ADAM10: variants seen among roughly 807,000 people sequenced by gnomAD.
The protein encoded by ADAM10 is disintegrin and metalloproteinase domain-containing protein 10.
Under a neutral mutation model 90.1 loss-of-function variants are expected in ADAM10, and 17 were observed. The ratio of observed to expected loss-of-function variants is 0.19; its 90% confidence interval spans 0.13 to 0.28. ADAM10 has a LOEUF of 0.28. ADAM10 is among the 10% of genes least tolerant of loss of function. The probability of loss-of-function intolerance (pLI) is 1.00; values close to 1 mark genes in which losing one functional copy is unlikely to be tolerated. For missense variants in ADAM10, 610 were observed against 914.3 expected (o/e 0.67, Z 4.29); for synonymous variants, 310 against 298.6 (o/e 1.04, Z -0.40).
intron 10 of ADAM10, among the ~76,000 whole-genome samples, chr15:58,627,379 T>A (rs1171359004): frequency 6.6e-6 from 1 of 152,274 alleles, no homozygotes; most frequent in East Asian, 1.9e-4. Flanking sequence ...ACTCATCAAA[T>A]GATGCACTTA....
chr15:58,614,716 A>G (rs1566967875), intron 11 of ADAM10, among the ~76,000 whole-genome samples: 1 of 152,208 alleles, frequency 6.6e-6, no homozygotes, highest in Non-Finnish European at 1.5e-5. Context: ...TCACCACTAG[A>G]CTGACCCTAC....
intron 2 of ADAM10, among the ~76,000 whole-genome samples, chr15:58,688,118 T>C (rs1392278264): frequency 1.3e-5 from 2 of 152,204 alleles, no homozygotes; most frequent in African/African-American, 2.4e-5. Flanking sequence ...GTTTTGATGT[T>C]GTAATATAGT....
rs1566986227 is a variant in ADAM10, at chr15:58,665,098, T to C, written c.584A>G (p.Gln195Arg). 6.2e-7 allele frequency: 1 copy of C among 1,602,306 alleles called. No homozygotes were observed. The highest frequency in any genetic ancestry group is 1.7e-5 in the Admixed American group (1 of 59,996). The change falls in exon 5 of 16, where the codon CAG becomes CGG. Residue 195 changes from glutamine (Q) to arginine (R), a missense_variant and splice_region_variant. By Grantham distance (43) the Gln-to-Arg change is conservative (BLOSUM62 1). Around this residue, in one of 4 missense-constraint regions of ADAM10, gnomAD observed 310 missense variants for 362.4 expected, o/e 0.86. Transcript: ENST00000260408. ...YQMTGVEEVT[Q>R]IPQEEHAANG... Reference sequence around the variant, plus strand: ...GCAAGCTAGTGTTAAAATCCTTACCTGTGTTACTTCCTCTACACCAGTCAT... The same window carrying C: ...GCAAGCTAGTGTTAAAATCCTTACCCGTGTTACTTCCTCTACACCAGTCAT...
chr15:58,618,631 T>C (rs1267433274), intron 11 of ADAM10, among the ~76,000 whole-genome samples: 5 of 152,132 alleles, frequency 3.3e-5, no homozygotes, highest in African/African-American at 7.2e-5. Flanking sequence ...TAGGGACTGA[T>C]AGAATGTACA....
chr15:58,621,406 ATT>A (rs1243672999), intron 11 of ADAM10, 63 bp downstream of exon 11: 2 of 1,593,172 alleles, frequency 1.3e-6, no homozygotes, highest in Non-Finnish European at 1.7e-6. Flanking sequence ...TCAGTTTTAA[ATT>A]TGTCATAACT....
intron 14 of ADAM10, among the ~76,000 whole-genome samples, chr15:58,601,971 T>G (rs1230868732): frequency 1.3e-5 from 2 of 152,204 alleles, no homozygotes; most frequent in African/African-American, 4.8e-5. Context: ...TTACTGCTGA[T>G]GTTAACTTGA....
At chr15:58,742,544 T>C (rs1488011231) in intron 1 of ADAM10, among the ~76,000 whole-genome samples, 2 of 152,208 alleles carry the variant, frequency 1.3e-5, no homozygotes, top group South Asian at 2.1e-4. Context: ...GGAGACTACA[T>C]TCCCTGAGAA....
At chr15:58,615,736 C>G (rs1296425968) in intron 11 of ADAM10, among the ~76,000 whole-genome samples, 1 of 152,074 alleles carries the variant, frequency 6.6e-6, no homozygotes, top group African/African-American at 2.4e-5. Context: ...GGGCCAGGCA[C>G]AGTGGCTCAT....
rs1179626414 is a variant in ADAM10, at chr15:58,596,838, G to C, written c.*709C>G. ...GTGCCCGTAGCAGCCATGTGATAAA[G>C]AAAAAATGAGTATCAAAACCAACTC... is the stretch of plus-strand genomic sequence containing the variant. On this transcript the variant is annotated 3_prime_UTR_variant, in exon 16 of 16. Coordinates refer to ENST00000260408, the MANE Select transcript of ADAM10 (RefSeq NM_001110.4). 4 of 155,328 alleles carry C rather than the reference G, an allele frequency of 2.6e-5. No homozygotes were observed. Among genetic ancestry groups the C allele is most frequent in the African/African-American group, 9.7e-5 (4 of 41,406 alleles). 9.6% of individuals were successfully genotyped at this position (155,328 alleles called of 1,614,324 possible).
chr15:58,625,208 G>A (rs1411081578), intron 10 of ADAM10, among the ~76,000 whole-genome samples: 2 of 152,100 alleles, frequency 1.3e-5, no homozygotes, highest in African/African-American at 4.8e-5. Context: ...ACTGTGAAAA[G>A]GGCGAAAAGA....
intron 11 of ADAM10, among the ~76,000 whole-genome samples, chr15:58,617,095 T>C (rs1474490454): frequency 1.3e-5 from 2 of 151,576 alleles, no homozygotes; most frequent in African/African-American, 4.8e-5. Context: ...GGGAAAAAAG[T>C]GAGACTCCGT....
intron 1 of ADAM10, among the ~76,000 whole-genome samples, chr15:58,743,432 T>C (rs1174634994): frequency 1.3e-5 from 2 of 152,124 alleles, no homozygotes; most frequent in African/African-American, 4.8e-5. Context: ...CAAATTTTTT[T>C]CTAACCATTA....
At chr15:58,664,408 A>G (rs73426525) in intron 5 of ADAM10, among the ~76,000 whole-genome samples, 5,353 of 152,222 alleles carry the variant, frequency 0.035, 100 homozygotes, top group Middle Eastern at 0.051. Context: ...TTCAATACAT[A>G]TAAGAATAAA....
chr15:58,668,290 G>C (rs1483945811), intron 4 of ADAM10, among the ~76,000 whole-genome samples: 1 of 152,130 alleles, frequency 6.6e-6, no homozygotes, highest in African/African-American at 2.4e-5. Context: ...TTAATCAGTT[G>C]TTAAACCTGT....
chr15:58,618,576 C>T (rs1299215677), intron 11 of ADAM10, among the ~76,000 whole-genome samples: 1 of 152,120 alleles, frequency 6.6e-6, no homozygotes, highest in Admixed American at 6.5e-5. Context: ...AGTGAAGAGA[C>T]GATCTGCTGA....
At position 58,640,946 on chromosome 15, in the gene ADAM10, A is replaced by G. The variant is rs779640305; in HGVS notation, c.843T>C (p.Ala281=). The G allele has an allele frequency of 6.2e-7, 1 of 1,614,030 alleles. No homozygotes were observed. The highest frequency in any genetic ancestry group is 8.5e-7 in the Non-Finnish European group (1 of 1,179,876). Reference sequence around the variant, plus strand: ...AAGGATTTGTAGGGTCCTTCTCATCAGCAGTTGTATTGATCTAAAATCCAA... The same window carrying G: ...AAGGATTTGTAGGGTCCTTCTCATCGGCAGTTGTATTGATCTAAAATCCAA... ...MVKRIRINTT[A]DEKDPTNPFR... is the part of the protein sequence containing the mutation. Residue 281 remains alanine, a synonymous_variant, in exon 8 of 16, where the codon GCT becomes GCC. Transcript: ENST00000260408.
chr15:58,680,960 G>C (rs1327608606), intron 3 of ADAM10, among the ~76,000 whole-genome samples: 1 of 152,056 alleles, frequency 6.6e-6, no homozygotes, highest in African/African-American at 2.4e-5. Context: ...TGAAACTACA[G>C]GTGTGCCACC....
Position 58,679,277 on chromosome 15 carries a change from C to T in ADAM10, c.331G>A (p.Glu111Lys), listed in dbSNP as rs1467813482. The change falls in exon 4 of 16, where the codon GAA becomes AAA. Residue 111 changes from glutamate (E) to lysine (K), a missense_variant. This residue lies in a region of ADAM10 where 310 missense variants were observed against 362.4 expected (regional missense o/e 0.86). Coordinates refer to ENST00000260408, the MANE Select transcript of ADAM10 (RefSeq NM_001110.4). Reference protein sequence around the residue: ...HIYTGHIYGEEGSFSHGSVID... With the variant: ...HIYTGHIYGEKGSFSHGSVID... Reference sequence around the variant, plus strand: ...ACAGACCCATGGCTAAAACTTCCTTCTTCACCTATTAATGAAAGCAACAAA... The same window carrying T: ...ACAGACCCATGGCTAAAACTTCCTTTTTCACCTATTAATGAAAGCAACAAA... The T allele has an allele frequency of 1.4e-5, 22 of 1,613,944 alleles. No individual in the cohort carries two copies. Among genetic ancestry groups the T allele is most frequent in the Non-Finnish European group, 1.7e-5 (20 of 1,179,976 alleles).
At position 58,590,769 on chromosome 15, in the gene ADAM10, TA is replaced by T. The variant is rs1894807965; in HGVS notation, c.*6777del. ...ACGATAATAAAATATTCATTTAAAA[TA>T]AAGAATAAAATTGCTTAATGTGTTC... On this transcript the variant is annotated 3_prime_UTR_variant, in exon 16 of 16. Transcript: ENST00000260408. 2 of 152,180 alleles carry T rather than the reference TA, an allele frequency of 1.3e-5. No individual in the cohort carries two copies. Among genetic ancestry groups the T allele is most frequent in the Admixed American group, 1.3e-4 (2 of 15,274 alleles). The allele number at this position is 152,180 out of a possible 1,614,324, so 9.4% of individuals were successfully genotyped here.
Sources: allele counts gnomAD v4.1 joint callset (sites outside exome capture counted in the v4.1 genomes callset), GRCh38; gene constraint gnomAD v4.1.1; regional missense constraint gnomAD v4.1.1; transcripts MANE v1.5; gene names NCBI Gene and HGNC (gene_info 2026-07-23, HGNC 2026-07-21).